The following HEMK2 variants were observed in gnomAD, a reference collection of about 807,000 sequenced individuals.
The protein encoded by HEMK2 is methyltransferase HEMK2.
the HEMK2 span, among the ~76,000 whole-genome samples, chr21:28,614,696 T>C: frequency 1.3e-5 from 2 of 152,174 alleles, no homozygotes; most frequent in Non-Finnish European, 2.9e-5. Context: ...ACCACTAGAA[T>C]ATGGAATTTA....
the HEMK2 span, among the ~76,000 whole-genome samples, chr21:28,604,800 C>A: frequency 6.6e-6 from 1 of 152,218 alleles, no homozygotes; most frequent in Non-Finnish European, 1.5e-5. Flanking sequence ...TTTAGCTTGG[C>A]ACAGATCTTA....
At chr21:28,724,207 A>G in the HEMK2 span, among the ~76,000 whole-genome samples, 3 of 152,210 alleles carry the variant, frequency 2.0e-5, no homozygotes, top group Non-Finnish European at 4.4e-5. Flanking sequence ...ATTTATGGCT[A>G]TCAACATAAT....
chr21:28,618,541 C>T, the HEMK2 span, among the ~76,000 whole-genome samples: 1 of 152,170 alleles, frequency 6.6e-6, no homozygotes, highest in Non-Finnish European at 1.5e-5. Context: ...GCTAAGTCCA[C>T]TAGTAAAATA....
At chr21:28,682,246 T>G in the HEMK2 span, among the ~76,000 whole-genome samples, 1 of 152,146 alleles carries the variant, frequency 6.6e-6, no homozygotes, top group African/African-American at 2.4e-5. Context: ...GTGAAGGATA[T>G]GAACAGACAC....
chr21:28,797,779 A>T, the HEMK2 span, among the ~76,000 whole-genome samples: 49 of 152,348 alleles, frequency 3.2e-4, no homozygotes, highest in African/African-American at 1.1e-3. Context: ...AAAACAGAAG[A>T]TGACAGTTGG....
the HEMK2 span, among the ~76,000 whole-genome samples, chr21:28,825,891 C>G: frequency 6.6e-6 from 1 of 152,164 alleles, no homozygotes; most frequent in African/African-American, 2.4e-5. Context: ...AGCCTAGATC[C>G]ACCTACATCT....
At chr21:28,618,173 A>C in the HEMK2 span, among the ~76,000 whole-genome samples, 1 of 152,222 alleles carries the variant, frequency 6.6e-6, no homozygotes, top group Non-Finnish European at 1.5e-5. Context: ...AATTAATAAT[A>C]TGAGTGGTAC....
chr21:28,839,653 C>T, the HEMK2 span, among the ~76,000 whole-genome samples: 1 of 151,948 alleles, frequency 6.6e-6, no homozygotes, highest in Non-Finnish European at 1.5e-5. Flanking sequence ...TAGGAATATA[C>T]TAACAAAGGA....
At chr21:28,768,806 T>A in the HEMK2 span, among the ~76,000 whole-genome samples, 1 of 151,980 alleles carries the variant, frequency 6.6e-6, no homozygotes, top group Non-Finnish European at 1.5e-5. Flanking sequence ...GGACACAGGA[T>A]CTTTAAAAAG....
At chr21:28,692,682 T>A in the HEMK2 span, among the ~76,000 whole-genome samples, 1 of 152,188 alleles carries the variant, frequency 6.6e-6, no homozygotes, top group Non-Finnish European at 1.5e-5. Context: ...ATGTAAAACA[T>A]GATCTATGCA....
chr21:28,640,296 T>G, the HEMK2 span, among the ~76,000 whole-genome samples: 1 of 152,112 alleles, frequency 6.6e-6, no homozygotes, highest in Admixed American at 6.5e-5. Flanking sequence ...GGAGACACAA[T>G]GGAGAGCCAA....
At chr21:28,879,494 G>C in the HEMK2 span, among the ~76,000 whole-genome samples, 1 of 152,306 alleles carries the variant, frequency 6.6e-6, no homozygotes, top group South Asian at 2.1e-4. Flanking sequence ...TGCCGCCTCG[G>C]CCTCCCAAAG....
At chr21:28,865,571 A>G in the HEMK2 span, among the ~76,000 whole-genome samples, 1 of 152,172 alleles carries the variant, frequency 6.6e-6, no homozygotes, top group African/African-American at 2.4e-5. Context: ...GTGAGCACTG[A>G]ATGCTGTTTC....
chr21:28,833,889 T>C, the HEMK2 span, among the ~76,000 whole-genome samples: 15 of 152,346 alleles, frequency 9.8e-5, no homozygotes, highest in African/African-American at 3.6e-4. Context: ...CAGGGCTGAA[T>C]TGTTCAAACC....
the HEMK2 span, among the ~76,000 whole-genome samples, chr21:28,643,098 C>G: frequency 1.3e-5 from 2 of 152,164 alleles, no homozygotes; most frequent in African/African-American, 4.8e-5. Context: ...CTGCTGCCCT[C>G]TTTGGACAGG....
the HEMK2 span, among the ~76,000 whole-genome samples, chr21:28,646,519 G>A: frequency 6.6e-6 from 1 of 152,260 alleles, no homozygotes; most frequent in Admixed American, 6.5e-5. Flanking sequence ...GTTATCTGTT[G>A]CTATGTAACA....
chr21:28,694,172 A>C, the HEMK2 span, among the ~76,000 whole-genome samples: 1 of 152,228 alleles, frequency 6.6e-6, no homozygotes, highest in East Asian at 1.9e-4. Flanking sequence ...CACACTGGGC[A>C]TTCATACCAA....
the HEMK2 span, among the ~76,000 whole-genome samples, chr21:28,590,755 A>G: frequency 6.6e-6 from 1 of 152,222 alleles, no homozygotes; most frequent in African/African-American, 2.4e-5. Flanking sequence ...TAAAACATCA[A>G]TGCTTGGGCG....
chr21:28,712,363 G>A, the HEMK2 span, among the ~76,000 whole-genome samples: 1 of 152,238 alleles, frequency 6.6e-6, no homozygotes, highest in Non-Finnish European at 1.5e-5. Flanking sequence ...TAATAGAGAA[G>A]AAGAGGCAAA....
Sources: gnomAD v4.1 joint callset for allele counts (sites outside exome capture counted in the v4.1 genomes callset) on GRCh38, gnomAD v4.1.1 for gene constraint, MANE v1.5 for transcripts, NCBI Gene and HGNC (gene_info 2026-07-23, HGNC 2026-07-21) for gene names.